The following CIB4 variants were observed in gnomAD, a reference collection of about 807,000 sequenced individuals.
The protein encoded by CIB4 is calcium and integrin-binding family member 4.
A neutral mutation model predicts 25.8 loss-of-function variants in CIB4; 25 were observed. The ratio of observed to expected loss-of-function variants is 0.97; its 90% CI spans 0.71 to 1.35. The LOEUF (loss-of-function observed/expected upper bound fraction) is 1.35. Among genes scored for constraint, CIB4 ranks in the 40% most tolerant of loss-of-function variants. CIB4 has a pLI of 0.00. For missense variants in CIB4, 235 were observed against 228.2 expected (o/e 1.03, Z -0.19); for synonymous variants, 75 against 81.4 (o/e 0.92, Z 0.42).
At chr2:26,633,316 G>A (rs1669469047) in intron 2 of CIB4, among the ~76,000 whole-genome samples, 2 of 152,236 alleles carry the variant, frequency 1.3e-5, no homozygotes, top group Admixed American at 6.5e-5. Context: ...CTCTCTGTGG[G>A]AGAAGTGGAG....
intron 2 of CIB4, among the ~76,000 whole-genome samples, chr2:26,633,806 G>T (rs1413413772): frequency 6.6e-6 from 1 of 152,162 alleles, no homozygotes; most frequent in African/African-American, 2.4e-5. Flanking sequence ...GGCTGCCTGC[G>T]GGCTCAGGGG....
chr2:26,639,308 T>C (rs1308708239), intron 2 of CIB4, among the ~76,000 whole-genome samples: 3 of 152,084 alleles, frequency 2.0e-5, no homozygotes, highest in Admixed American at 1.3e-4. Flanking sequence ...CAACCTGTCA[T>C]CTACATTAGA....
At chr2:26,639,954 C>T (rs755642964) in intron 2 of CIB4, among the ~76,000 whole-genome samples, 4 of 152,182 alleles carry the variant, frequency 2.6e-5, no homozygotes, top group Non-Finnish European at 5.9e-5. Context: ...CACAGCCCCA[C>T]GAGAAGGGTA....
Position 26,608,507 on chromosome 2 carries a change from C to T in CIB4, c.187-13190G>A, listed in dbSNP as rs1429553208. Among the ~76,000 whole-genome samples the T allele has an allele frequency of 2.6e-5, 4 of 152,166 alleles. 1 individual carries two copies. Among genetic ancestry groups the T allele is most frequent in the African/African-American group, 9.7e-5 (4 of 41,442 alleles). On this transcript the variant is annotated intron_variant, in intron 3 of 6. Transcript: ENST00000288861. Reference sequence around the variant, plus strand: ...TCTGAATAAGCTGCCTGGGTTTCTCCGTGGACAATCCTTAGACTACATCCA... The same window carrying T: ...TCTGAATAAGCTGCCTGGGTTTCTCTGTGGACAATCCTTAGACTACATCCA...
intron 3 of CIB4, among the ~76,000 whole-genome samples, chr2:26,598,604 G>A (rs1208725714): frequency 1.3e-5 from 2 of 152,186 alleles, no homozygotes; most frequent in African/African-American, 4.8e-5. Flanking sequence ...GCTCACCAGA[G>A]CTGCGATTGG....
intron 2 of CIB4, among the ~76,000 whole-genome samples, chr2:26,634,466 T>C (rs943084471): frequency 6.6e-6 from 1 of 152,262 alleles, no homozygotes; most frequent in African/African-American, 2.4e-5. Flanking sequence ...AGCAGCCACG[T>C]AATCGGTGCT....
chr2:26,631,452 C>T (rs368906319), intron 2 of CIB4, among the ~76,000 whole-genome samples: 90 of 152,202 alleles, frequency 5.9e-4, no homozygotes, highest in African/African-American at 1.9e-3. Context: ...CCAGCCTGGG[C>T]GACAGAGCAA....
chr2:26,586,418 T>C (rs558957145), intron 4 of CIB4, among the ~76,000 whole-genome samples: 1 of 152,202 alleles, frequency 6.6e-6, no homozygotes, highest in African/African-American at 2.4e-5. Flanking sequence ...TGTGAAAACA[T>C]GCACTTCCTA....
In CIB4 at chr2:26,624,748, G is replaced by T. The variant is rs185718127; in HGVS notation, c.186+4662C>A. Among the ~76,000 whole-genome samples the T allele has an allele frequency of 1.6e-4, 15 of 95,362 alleles. No individual in the cohort carries two copies. In the Admixed American group the frequency reaches 1.6e-3, roughly 10 times the overall value. The allele number at this position is 95,362 out of a possible 152,430, so 62.6% of individuals were successfully genotyped here. ...GAAGTTTAGTGGGAGGGTGGGGGGC[G>T]GGGCAGGCAGGGATGGTTAATGGGT... On this transcript the variant is annotated intron_variant, in intron 3 of 6. Transcript: ENST00000288861.
intron 4 of CIB4, among the ~76,000 whole-genome samples, chr2:26,587,998 A>G (rs1668488594): frequency 6.6e-6 from 1 of 152,204 alleles, no homozygotes; most frequent in Admixed American, 6.5e-5. Flanking sequence ...TCACTCCTCC[A>G]GCAGTGCCCC....
At chr2:26,588,000 C>T (rs952864662) in intron 4 of CIB4, among the ~76,000 whole-genome samples, 4 of 152,248 alleles carry the variant, frequency 2.6e-5, no homozygotes, top group Non-Finnish European at 5.9e-5. Context: ...ACTCCTCCAG[C>T]AGTGCCCCTT....
Position 26,589,067 on chromosome 2 carries a change from TCTTCC to T in CIB4, c.329-5174_329-5170del, listed in dbSNP as rs1437301464. On this transcript the variant is annotated intron_variant, in intron 4 of 6. Coordinates refer to ENST00000288861, the MANE Select transcript of CIB4 (RefSeq NM_001029881.3). Reference sequence around the variant, plus strand: ...TTCTTCTTCTTCTTCTTCCTCTTCCTCTTCCTCTTCTTCTTCTTCTTCTTCTTCTT... The same window carrying T: ...TTCTTCTTCTTCTTCTTCCTCTTCCTTCTTCTTCTTCTTCTTCTTCTTCTT... Among the ~76,000 whole-genome samples the T allele has an allele frequency of 5.7e-3, 283 of 49,634 alleles. 23 individuals carry two copies. Among genetic ancestry groups the T allele is most frequent in the Admixed American group, 0.012 (58 of 4,832 alleles). 32.6% of individuals were successfully genotyped at this position (49,634 alleles called of 152,430 possible).
intron 3 of CIB4, among the ~76,000 whole-genome samples, chr2:26,620,872 G>C (rs1171646303): frequency 1.3e-5 from 2 of 152,120 alleles, no homozygotes; most frequent in Admixed American, 6.5e-5. Flanking sequence ...GAACAAAAAT[G>C]AGCTCTTGGA....
intron 2 of CIB4, among the ~76,000 whole-genome samples, chr2:26,631,679 A>ATGCTGGGATTCTGTGTGCCCAC (rs1183106822): frequency 1.3e-5 from 2 of 152,160 alleles, no homozygotes; most frequent in East Asian, 3.9e-4. Context: ...GAAAGAAACT[A>ATGCTGGGATTCTGTGTGCCCAC]TGCTGGGATT....
At chr2:26,593,348 A>G (rs1668620746) in intron 4 of CIB4, among the ~76,000 whole-genome samples, 1 of 151,728 alleles carries the variant, frequency 6.6e-6, no homozygotes, top group Non-Finnish European at 1.5e-5. Context: ...GTATATATAC[A>G]TATATACATA....
intron 3 of CIB4, among the ~76,000 whole-genome samples, chr2:26,612,918 C>A (rs542199721): frequency 1.0e-4 from 15 of 148,674 alleles, no homozygotes; most frequent in Admixed American, 8.7e-4. Flanking sequence ...TTTTCTGCCA[C>A]CTGAGAAGTG....
intron 3 of CIB4, among the ~76,000 whole-genome samples, chr2:26,617,762 C>A (rs1669121899): frequency 6.6e-6 from 1 of 152,218 alleles, no homozygotes; most frequent in Non-Finnish European, 1.5e-5. Flanking sequence ...GGCTGCTTTC[C>A]TCCTGCTCAA....
chr2:26,622,926 TG>T (rs1669232961), intron 3 of CIB4, among the ~76,000 whole-genome samples: 1 of 152,042 alleles, frequency 6.6e-6, no homozygotes. Context: ...GAGGTTGCAG[TG>T]AGCTGAGATG....
chr2:26,627,020 C>G lies in CIB4; in HGVS notation c.186+2390G>C, dbSNP rs1362586253. Among the ~76,000 whole-genome samples, 1 of 152,170 alleles carries G rather than the reference C, an allele frequency of 6.6e-6. No homozygotes were observed. Among genetic ancestry groups the G allele is most frequent in the African/African-American group, 2.4e-5 (1 of 41,432 alleles). On this transcript the variant is annotated intron_variant, in intron 3 of 6. Transcript: ENST00000288861. This position sits in a 1 kb window ranked among gnomAD's most constrained non-coding sequence, Gnocchi z 4.0. ...TGATAGCTCCAGGCCCAGACTCAGC[C>G]CTCCTGATCTTAGTCCAGTGCTTAC...
Sources: allele counts gnomAD v4.1 joint callset (sites outside exome capture counted in the v4.1 genomes callset), GRCh38; gene constraint gnomAD v4.1.1; non-coding constraint Gnocchi (gnomAD v3.1); transcripts MANE v1.5; gene names NCBI Gene and HGNC (gene_info 2026-07-23, HGNC 2026-07-21).